Variants in TTYH2 observed in about 807,000 individuals in gnomAD.
TTYH2 encodes protein tweety homolog 2.
A neutral mutation model predicts 68.3 loss-of-function variants in TTYH2; 49 were observed. The observed-to-expected ratio is 0.72, with a 90% CI of 0.57 to 0.91. The LOEUF (loss-of-function observed/expected upper bound fraction) is 0.91, where lower values mean the gene tolerates loss of function less well. Among genes scored for constraint, TTYH2 ranks in the 40% least tolerant of loss-of-function variants. The pLI is 0.00. For missense variants in TTYH2, 631 were observed against 700.4 expected, an observed-to-expected ratio of 0.90 and a Z score of 1.12; for synonymous variants, 272 against 300.8, an observed-to-expected ratio of 0.90 and a Z score of 0.99.
intron 4 of TTYH2, among the ~76,000 whole-genome samples, chr17:74,238,959 C>T (rs1369014995): frequency 6.6e-6 from 1 of 152,020 alleles, no homozygotes; most frequent in Non-Finnish European, 1.5e-5. Flanking sequence ...AATCCTCCCA[C>T]CTCAGCCTCC....
intron 2 of TTYH2, among the ~76,000 whole-genome samples, chr17:74,227,516 C>T (rs762494863): frequency 2.0e-5 from 3 of 152,110 alleles, no homozygotes; most frequent in Non-Finnish European, 4.4e-5. Flanking sequence ...TGGAGGGTCA[C>T]GGGAAGACAA....
chr17:74,216,502 A>G (rs1280290305), intron 1 of TTYH2, among the ~76,000 whole-genome samples: 2 of 152,214 alleles, frequency 1.3e-5, no homozygotes, highest in Non-Finnish European at 2.9e-5. Context: ...TCAGTGTTCC[A>G]GAACCTTCCT....
intron 2 of TTYH2, 96 bp from the exon 3 acceptor site, chr17:74,230,792 G>T (rs1460730147): frequency 1.6e-6 from 2 of 1,246,148 alleles, no homozygotes; most frequent in Non-Finnish European, 2.2e-6. Context: ...TTACAGGCAT[G>T]AGCCACCGCA....
intron 2 of TTYH2, among the ~76,000 whole-genome samples, chr17:74,223,383 C>G (rs1006225374): frequency 6.6e-6 from 1 of 152,044 alleles, no homozygotes; most frequent in Admixed American, 6.6e-5. Flanking sequence ...GCCTCAGCCT[C>G]CAAAAGTGCT....
intron 13 of TTYH2, among the ~76,000 whole-genome samples, chr17:74,254,373 G>A (rs964903890): frequency 2.0e-5 from 3 of 152,126 alleles, no homozygotes; most frequent in African/African-American, 7.2e-5. Context: ...TCTCCATGAT[G>A]GCCAGGCTGG....
chr17:74,245,414 C>T (rs999274153), intron 6 of TTYH2, among the ~76,000 whole-genome samples: 4 of 152,238 alleles, frequency 2.6e-5, no homozygotes, highest in Admixed American at 6.5e-5. Context: ...GAGCACACGG[C>T]GAACTCCTCC....
intron 4 of TTYH2, among the ~76,000 whole-genome samples, chr17:74,240,019 A>C (rs1030878698): frequency 6.6e-6 from 1 of 152,302 alleles, no homozygotes; most frequent in Non-Finnish European, 1.5e-5. Context: ...TTACATATCA[A>C]AGGCGGCTTA....
chr17:74,246,017 G>A lies in TTYH2; in HGVS notation c.804+1968G>A, dbSNP rs559070560. 1.6e-4 allele frequency among the ~76,000 whole-genome samples: 24 copies of A among 152,274 alleles called. No individual in the cohort carries two copies. The South Asian group carries it at 4.1e-3, about 26-fold the overall frequency. On this transcript the variant is annotated intron_variant, in intron 6 of 13. Transcript: ENST00000269346. ...CGGAGCTCCAAGCTTCCAGGCCCTG[G>A]GGCCACCCCTCGTGGTCAGCACTGC...
chr17:74,229,560 G>T (rs1224363233), intron 2 of TTYH2, among the ~76,000 whole-genome samples: 1 of 151,990 alleles, frequency 6.6e-6, no homozygotes, highest in East Asian at 1.9e-4. Context: ...TCAAAAACCT[G>T]CTCTCCATAG....
intron 2 of TTYH2, 110 bp from the exon 3 acceptor site, chr17:74,230,778 G>T: frequency 9.5e-7 from 1 of 1,051,696 alleles, no homozygotes. Flanking sequence ...CTGAGTAGCT[G>T]GGATTACAGG....
At chr17:74,244,949 G>A (rs1006126587) in intron 6 of TTYH2, among the ~76,000 whole-genome samples, 5 of 152,074 alleles carry the variant, frequency 3.3e-5, no homozygotes, top group Non-Finnish European at 7.4e-5. Context: ...GGGAATTCAA[G>A]GAACCCCTCA....
chr17:74,243,513 G>A, intron 5 of TTYH2, 44 bp downstream of exon 5: 1 of 1,597,506 alleles, frequency 6.3e-7, no homozygotes, highest in Non-Finnish European at 8.6e-7. Flanking sequence ...AGCTGGGCAG[G>A]ATGCCATCAT....
Position 74,222,674 on chromosome 17 carries a change from G to A in TTYH2, c.302+17G>A, listed in dbSNP as rs376327276. 2.8e-5 allele frequency: 44 copies of A among 1,598,966 alleles called. No individual in the cohort carries two copies. The highest frequency in any genetic ancestry group is 4.4e-5 in the South Asian group (4 of 90,006). ...CATCTGCTGGTGAGTGTCCCTGGACGCTGGGCTTGGGGTGTGTGACTCAGT... is the reference window on the plus strand; with the variant it reads ...CATCTGCTGGTGAGTGTCCCTGGACACTGGGCTTGGGGTGTGTGACTCAGT... On this transcript the variant is annotated intron_variant, in intron 2 of 13. Coordinates refer to ENST00000269346, the MANE Select transcript of TTYH2 (RefSeq NM_032646.6). This position sits in a 1 kb window ranked among gnomAD's most constrained non-coding sequence, Gnocchi z 5.2.
At chr17:74,243,676 CT>C (rs2050525290) in intron 5 of TTYH2, among the ~76,000 whole-genome samples, 1 of 152,260 alleles carries the variant, frequency 6.6e-6, no homozygotes, top group Admixed American at 6.5e-5. Flanking sequence ...AAGCATTAGG[CT>C]TTCCTCCTTC....
intron 3 of TTYH2, among the ~76,000 whole-genome samples, chr17:74,235,169 C>G (rs1248885163): frequency 2.0e-5 from 3 of 152,194 alleles, no homozygotes; most frequent in Non-Finnish European, 4.4e-5. Flanking sequence ...ACTAGGAACT[C>G]CCAGCGTAGC....
At chr17:74,252,173 C>T (rs1190019323) in intron 10 of TTYH2, 61 bp from the exon 11 acceptor site, 2 of 1,595,414 alleles carry the variant, frequency 1.3e-6, no homozygotes, top group African/African-American at 1.3e-5. Flanking sequence ...CAGAGGAGAG[C>T]TCGGCCCGCA....
At position 74,222,532 on chromosome 17, in the gene TTYH2, C is replaced by T. The variant is rs1488365297; in HGVS notation, c.177C>T (p.Asn59=). ...GLVAAVCLGL[N]LIFLVAYLVC... ...TGGCCGCCGTCTGCCTGGGCCTGAACCTCATCTTCCTTGTGGCTTACCTGG... is the reference window on the plus strand; with the variant it reads ...TGGCCGCCGTCTGCCTGGGCCTGAATCTCATCTTCCTTGTGGCTTACCTGG... The change falls in exon 2 of 14, where the codon AAC becomes AAT. Residue 59 remains asparagine, a synonymous_variant. Coordinates refer to ENST00000269346, the MANE Select transcript of TTYH2 (RefSeq NM_032646.6). This position sits in a 1 kb window ranked among gnomAD's most constrained non-coding sequence, Gnocchi z 5.2. The T allele has an allele frequency of 1.9e-6, 3 of 1,612,434 alleles. No individual in the cohort carries two copies. Among genetic ancestry groups the T allele is most frequent in the African/African-American group, 1.3e-5 (1 of 75,060 alleles).
Position 74,262,009 on chromosome 17 carries a change from C to T in TTYH2, c.*1800C>T, listed in dbSNP as rs969182613. ...CCTCACCTGGAAGAGAAATAAACCA[C>T]TTGTACTAAAATGTGCGTTCCGTTT... On this transcript the variant is annotated 3_prime_UTR_variant, in exon 14 of 14. Transcript: ENST00000269346. 1.3e-5 allele frequency: 2 copies of T among 152,616 alleles called. No individual in the cohort carries two copies. Among genetic ancestry groups the T allele is most frequent in the Non-Finnish European group, 2.9e-5 (2 of 68,042 alleles). 9.5% of individuals were successfully genotyped at this position (152,616 alleles called of 1,614,324 possible).
rs2050641375 is a variant in TTYH2 at position 74,252,340 on chromosome 17, G to T, written c.1223G>T (p.Cys408Phe). The T allele has an allele frequency of 6.2e-7, 1 of 1,613,808 alleles. No homozygotes were observed. Among genetic ancestry groups the T allele is most frequent in the Non-Finnish European group, 8.5e-7 (1 of 1,180,040 alleles). ...GCCCTCGCCTTCTCCACCATGATCT[G>T]TGCAGGGCCAAGGGCCTGGAAGCAC... is the stretch of plus-strand genomic sequence containing the variant. ...LAALAFSTMI[C>F]AGPRAWKHFT... Residue 408 changes from cysteine to phenylalanine, a missense_variant, in exon 11 of 14, where the codon TGT becomes TTT. By Grantham distance (205) the Cys-to-Phe change is radical. Coordinates refer to ENST00000269346, the MANE Select transcript of TTYH2 (RefSeq NM_032646.6).
Sources: allele counts gnomAD v4.1 joint callset (sites outside exome capture counted in the v4.1 genomes callset), GRCh38; gene constraint gnomAD v4.1.1; non-coding constraint Gnocchi (gnomAD v3.1); transcripts MANE v1.5; gene names NCBI Gene and HGNC (gene_info 2026-07-23, HGNC 2026-07-21).